The following SNTB1 variants were observed in gnomAD, a reference collection of about 807,000 sequenced individuals.
SNTB1 encodes the protein syntrophin beta 1.
Under a neutral mutation model 48.9 loss-of-function variants are expected in SNTB1, and 36 were observed. The observed-to-expected ratio is 0.74, with a 90% CI of 0.56 to 0.97. The LOEUF is 0.97. Ranked by LOEUF, SNTB1 falls within the 50% of genes least tolerant of loss-of-function variation. The pLI is 0.00. For missense variants in SNTB1, 786 were observed against 703.4 expected (o/e 1.12, Z -1.33); for synonymous variants, 299 against 294.6 (o/e 1.01, Z -0.15).
intron 1 of SNTB1, among the ~76,000 whole-genome samples, chr8:120,770,283 C>A (rs1819598757): frequency 6.6e-6 from 1 of 152,166 alleles, no homozygotes; most frequent in Non-Finnish European, 1.5e-5. Context: ...AGAGAAACCA[C>A]CACCATCCAC....
chr8:120,553,087 G>A (rs1391894702), intron 4 of SNTB1, among the ~76,000 whole-genome samples: 1 of 152,188 alleles, frequency 6.6e-6, no homozygotes, highest in Non-Finnish European at 1.5e-5. Flanking sequence ...ACCTCCTGCT[G>A]TGCAGTCCCA....
At chr8:120,808,769 A>G (rs1364767263) in intron 1 of SNTB1, among the ~76,000 whole-genome samples, 1 of 152,036 alleles carries the variant, frequency 6.6e-6, no homozygotes, top group African/African-American at 2.4e-5. Flanking sequence ...AGGGTGTTCC[A>G]CTTGTAGAGG....
At chr8:120,745,338 T>A (rs1197611352) in intron 1 of SNTB1, among the ~76,000 whole-genome samples, 1 of 152,024 alleles carries the variant, frequency 6.6e-6, no homozygotes, top group Non-Finnish European at 1.5e-5. Context: ...ATAACCTGGG[T>A]CACACCTCTA....
chr8:120,637,106 C>T (rs1817093219), intron 2 of SNTB1: 5 of 359,734 alleles, frequency 1.4e-5, no homozygotes, highest in East Asian at 1.6e-4. Flanking sequence ...CCAGTGTTTG[C>T]AGGCTTGGAA....
intron 1 of SNTB1, among the ~76,000 whole-genome samples, chr8:120,705,152 G>A (rs1563856582): frequency 6.6e-6 from 1 of 152,216 alleles, no homozygotes; most frequent in African/African-American, 2.4e-5. Context: ...TTAAATGACA[G>A]ACATTAGCAC....
intron 1 of SNTB1, among the ~76,000 whole-genome samples, chr8:120,719,231 A>G (rs1387832197): frequency 6.6e-6 from 1 of 152,172 alleles, no homozygotes; most frequent in Admixed American, 6.5e-5. Flanking sequence ...GCACCATCTA[A>G]TCAGCTGCCA....
At chr8:120,594,065 A>G (rs1816286210) in intron 3 of SNTB1, among the ~76,000 whole-genome samples, 1 of 151,714 alleles carries the variant, frequency 6.6e-6, no homozygotes, top group Non-Finnish European at 1.5e-5. Context: ...TTATTTATTT[A>G]TTTATTTATT....
At chr8:120,729,207 C>T (rs1317626563) in intron 1 of SNTB1, among the ~76,000 whole-genome samples, 2 of 152,168 alleles carry the variant, frequency 1.3e-5, no homozygotes, top group African/African-American at 4.8e-5. Context: ...TGCTCTCTAA[C>T]TCCTGGTCTC....
intron 2 of SNTB1, among the ~76,000 whole-genome samples, chr8:120,652,624 C>T (rs1343638633): frequency 6.6e-6 from 1 of 151,418 alleles, no homozygotes; most frequent in Non-Finnish European, 1.5e-5. Flanking sequence ...TTTCATTTTT[C>T]TGAGCCTCAA....
intron 1 of SNTB1, among the ~76,000 whole-genome samples, chr8:120,725,435 C>T (rs546232421): frequency 6.6e-6 from 1 of 152,270 alleles, no homozygotes; most frequent in South Asian, 2.1e-4. Context: ...CAAATAGACT[C>T]TGCTTTTAGG....
At position 120,536,909 on chromosome 8, in the gene SNTB1, A is replaced by T. The variant is rs1448791491; in HGVS notation, c.*1968T>A. The T allele has an allele frequency of 6.6e-6, 1 of 151,058 alleles. No homozygotes were observed. The highest frequency in any genetic ancestry group is 1.5e-5 in the Non-Finnish European group (1 of 67,578). 9.4% of individuals were successfully genotyped at this position (151,058 alleles called of 1,614,324 possible). ...CTTAGATTACATATTGTTGAATTTA[A>T]CTATTGGCATTAATATATGTATTTT... is the stretch of plus-strand genomic sequence containing the variant. On this transcript the variant is annotated 3_prime_UTR_variant, in exon 7 of 7. Coordinates refer to ENST00000517992, the MANE Select transcript of SNTB1 (RefSeq NM_021021.4).
intron 3 of SNTB1, among the ~76,000 whole-genome samples, chr8:120,615,337 T>C (rs987530189): frequency 6.6e-6 from 1 of 152,034 alleles, no homozygotes; most frequent in Non-Finnish European, 1.5e-5. Context: ...GATCCAACAA[T>C]ATGTCTGATC....
At chr8:120,693,641 T>G (rs760170146) in intron 2 of SNTB1, 51 bp downstream of exon 2, 5 of 1,528,354 alleles carry the variant, frequency 3.3e-6, no homozygotes, top group Middle Eastern at 1.8e-4. Context: ...CCATTTAGCC[T>G]GAGAGGCCGA....
At chr8:120,693,950 C>A (rs750435171) in intron 1 of SNTB1, 42 bp from the exon 2 acceptor site, 2 of 1,467,914 alleles carry the variant, frequency 1.4e-6, no homozygotes, top group East Asian at 4.5e-5. Flanking sequence ...TACATCACGG[C>A]TGAATTTCTG....
chr8:120,743,666 G>A lies in SNTB1; in HGVS notation c.572-49758C>T, dbSNP rs140571175. 5.2e-3 allele frequency among the ~76,000 whole-genome samples: 797 copies of A among 152,286 alleles called. 4 individuals are homozygous for A. The highest frequency in any genetic ancestry group is 0.017 in the Middle Eastern group (5 of 294). The stretch of plus-strand genomic sequence containing the variant: ...AAAAGCAGGTGGTCTAATGACAGAG[G>A]CACTTTTAGAGGTGTGGGGTTTTTC... On this transcript the variant is annotated intron_variant, in intron 1 of 6. Transcript: ENST00000517992.
intron 1 of SNTB1, among the ~76,000 whole-genome samples, chr8:120,768,292 G>C (rs151077456): frequency 1.3e-5 from 2 of 152,306 alleles, no homozygotes; most frequent in Non-Finnish European, 2.9e-5. Flanking sequence ...CTTCAGCCAT[G>C]TGCGAGTACC....
intron 1 of SNTB1, among the ~76,000 whole-genome samples, chr8:120,713,243 A>T (rs1271916330): frequency 6.6e-6 from 1 of 152,174 alleles, no homozygotes; most frequent in Non-Finnish European, 1.5e-5. Context: ...GCATAATCTA[A>T]AACTTCACAG....
chr8:120,715,465 T>G (rs1818539326), intron 1 of SNTB1, among the ~76,000 whole-genome samples: 1 of 152,188 alleles, frequency 6.6e-6, no homozygotes, highest in Non-Finnish European at 1.5e-5. Flanking sequence ...TGACATCACA[T>G]GAGTTGTTTA....
At chr8:120,565,874 A>T (rs1815740502) in intron 4 of SNTB1, among the ~76,000 whole-genome samples, 2 of 152,168 alleles carry the variant, frequency 1.3e-5, no homozygotes, top group South Asian at 4.1e-4. Flanking sequence ...TGACTAGGTT[A>T]TGAGGGCCCC....
Sources: gnomAD v4.1 joint callset for allele counts (sites outside exome capture counted in the v4.1 genomes callset) on GRCh38, gnomAD v4.1.1 for gene constraint, MANE v1.5 for transcripts, NCBI Gene and HGNC (gene_info 2026-07-23, HGNC 2026-07-21) for gene names.